The following HMCN1 variants were observed in gnomAD, a reference collection of about 807,000 sequenced individuals.
HMCN1 encodes the protein hemicentin 1.
HMCN1 carries 321 observed loss-of-function variants against 625.9 expected under a neutral mutation model. That is an observed-to-expected ratio of 0.51 (90% CI 0.47 to 0.56). The LOEUF (loss-of-function observed/expected upper bound fraction) is 0.56, where lower values mean the gene tolerates loss of function less well. HMCN1 is among the 20% of genes least tolerant of loss of function. The pLI is 0.00. For synonymous variants in HMCN1, 2,425 were observed against 2,417.6 expected (o/e 1.00, Z -0.09); for missense variants, 6,588 against 6,887.3 (o/e 0.96, Z 1.54).
intron 1 of HMCN1, among the ~76,000 whole-genome samples, chr1:185,796,240 A>G (rs1658364873): frequency 6.6e-6 from 1 of 152,170 alleles, no homozygotes; most frequent in African/African-American, 2.4e-5. Context: ...AGTTCACGAT[A>G]GGGTTTGTGC....
intron 1 of HMCN1, among the ~76,000 whole-genome samples, chr1:185,757,386 A>G (rs1030591362): frequency 1.3e-5 from 2 of 152,016 alleles, no homozygotes; most frequent in East Asian, 1.9e-4. Context: ...AATACATTTC[A>G]TCTTCCTATG....
At chr1:186,035,912 CTG>C (rs1655789379) in intron 36 of HMCN1, among the ~76,000 whole-genome samples, 1 of 152,026 alleles carries the variant, frequency 6.6e-6, no homozygotes, top group African/African-American at 2.4e-5. Context: ...TTCGTTATAA[CTG>C]TATTTTTTGT....
chr1:186,039,068 T>C, intron 38 of HMCN1, 63 bp downstream of exon 38: 1 of 1,087,620 alleles, frequency 9.2e-7, no homozygotes, highest in Admixed American at 1.7e-5. Flanking sequence ...ATTAAGTGCT[T>C]CTATAAAATT....
At chr1:185,887,058 C>A (rs1664703418) in intron 4 of HMCN1, among the ~76,000 whole-genome samples, 1 of 152,070 alleles carries the variant, frequency 6.6e-6, no homozygotes, top group Non-Finnish European at 1.5e-5. Context: ...AATAACGTCA[C>A]TTTTTAGCTT....
intron 36 of HMCN1, among the ~76,000 whole-genome samples, chr1:186,029,831 T>C (rs1655306039): frequency 1.3e-5 from 2 of 152,020 alleles, no homozygotes; most frequent in Non-Finnish European, 2.9e-5. Flanking sequence ...GGTTATTGAT[T>C]TGAGATCTTA....
intron 9 of HMCN1, among the ~76,000 whole-genome samples, chr1:185,927,915 G>A (rs1440986325): frequency 6.6e-6 from 1 of 152,074 alleles, no homozygotes; most frequent in Non-Finnish European, 1.5e-5. Context: ...TTTGAACAGT[G>A]TTAGAGGGCA....
Position 186,086,228 on chromosome 1 carries a change from AT to A in HMCN1, c.8885-17del, listed in dbSNP as rs1241301302. On this transcript the variant is annotated splice_polypyrimidine_tract_variant and intron_variant, in intron 57 of 106. Transcript: ENST00000271588. ...TTGATAACACCTGCTTTCACTTTTAATATATTTACTATTATAGTTCCTCCAA... is the reference window on the plus strand; with the variant it reads ...TTGATAACACCTGCTTTCACTTTTAAATATTTACTATTATAGTTCCTCCAA... The A allele has an allele frequency of 1.9e-6, 3 of 1,598,266 alleles. No individual in the cohort carries two copies. The African/African-American group carries it at 4.0e-5, about 21-fold the overall frequency.
chr1:186,048,940 A>G, intron 42 of HMCN1, 101 bp downstream of exon 42: 3 of 739,124 alleles, frequency 4.1e-6, no homozygotes, highest in Non-Finnish European at 7.3e-6. Flanking sequence ...TATAATAGGT[A>G]GATGAACAAC....
At chr1:186,075,039 AG>A in intron 53 of HMCN1, 148 bp downstream of exon 53, 2 of 690,890 alleles carry the variant, frequency 2.9e-6, no homozygotes, top group Middle Eastern at 4.0e-4. Context: ...GAATTAAAGA[AG>A]GAAATAATCC....
At chr1:185,861,294 T>A (rs1020149253) in intron 2 of HMCN1, among the ~76,000 whole-genome samples, 1 of 152,228 alleles carries the variant, frequency 6.6e-6, no homozygotes, top group Non-Finnish European at 1.5e-5. Context: ...GCTGTCCTCA[T>A]GTTTGGCCCA....
At chr1:186,020,762 T>C (rs1046868627) in intron 35 of HMCN1, among the ~76,000 whole-genome samples, 3 of 152,024 alleles carry the variant, frequency 2.0e-5, no homozygotes, top group African/African-American at 7.2e-5. Flanking sequence ...AGTAGAGTGG[T>C]TCAAGAATAT....
chr1:185,794,405 A>G (rs1442265431), intron 1 of HMCN1, among the ~76,000 whole-genome samples: 1 of 151,494 alleles, frequency 6.6e-6, no homozygotes, highest in Non-Finnish European at 1.5e-5. Context: ...ACAAGATCTC[A>G]CAATAGGCCA....
At chr1:185,948,662 G>A (rs1247556573) in intron 11 of HMCN1, among the ~76,000 whole-genome samples, 1 of 151,804 alleles carries the variant, frequency 6.6e-6, no homozygotes, top group Non-Finnish European at 1.5e-5. Flanking sequence ...GTTACTTCAG[G>A]CCATCTGGGC....
At chr1:185,936,696 T>C (rs1667828908) in intron 11 of HMCN1, among the ~76,000 whole-genome samples, 1 of 152,198 alleles carries the variant, frequency 6.6e-6, no homozygotes, top group African/African-American at 2.4e-5. Flanking sequence ...GGGATGTATG[T>C]TTCCCACCAA....
chr1:185,803,204 G>GAAAAAAAAAAAAAAAAAAAAAAA (rs1557981375), intron 1 of HMCN1, among the ~76,000 whole-genome samples: 57 of 23,670 alleles, frequency 2.4e-3, no homozygotes, highest in Middle Eastern at 0.026. Flanking sequence ...AAAAAAAAAA[G>GAAAAAAAAAAAAAAAAAAAAAAA]CAAAAAAAAA....
At chr1:185,743,795 A>G (rs761957903) in intron 1 of HMCN1, among the ~76,000 whole-genome samples, 1 of 152,310 alleles carries the variant, frequency 6.6e-6, no homozygotes, top group East Asian at 1.9e-4. Flanking sequence ...ATGGTTAAAT[A>G]AAACATTATA....
At chr1:185,951,815 C>T (rs1248600116) in intron 11 of HMCN1, among the ~76,000 whole-genome samples, 1 of 151,696 alleles carries the variant, frequency 6.6e-6, no homozygotes, top group Non-Finnish European at 1.5e-5. Flanking sequence ...GCGGTTCAGG[C>T]ATTTGGAAGT....
At chr1:186,084,540 G>T (rs1359832532) in intron 57 of HMCN1, among the ~76,000 whole-genome samples, 2 of 151,966 alleles carry the variant, frequency 1.3e-5, no homozygotes, top group African/African-American at 4.8e-5. Context: ...AATACCATTT[G>T]TTATCTCCCT....
intron 69 of HMCN1, among the ~76,000 whole-genome samples, chr1:186,106,281 C>G (rs1008835483): frequency 2.6e-5 from 4 of 152,150 alleles, no homozygotes; most frequent in Non-Finnish European, 5.9e-5. Flanking sequence ...TGAACATTAA[C>G]TTTCCATGGA....
Sources: gnomAD v4.1 joint callset for allele counts (sites outside exome capture counted in the v4.1 genomes callset) on GRCh38, gnomAD v4.1.1 for gene constraint, MANE v1.5 for transcripts, NCBI Gene and HGNC (gene_info 2026-07-23, HGNC 2026-07-21) for gene names.